The following FBXO34 variants were observed in gnomAD, a reference collection of about 807,000 sequenced individuals.
FBXO34 encodes F-box protein 34, also known as F-box only protein 34.
FBXO34 carries 12 observed loss-of-function variants against 24.5 expected under a neutral mutation model. The ratio of observed to expected loss-of-function variants is 0.49; its 90% CI spans 0.31 to 0.79. The LOEUF is 0.79. Ranked by LOEUF, FBXO34 falls within the 30% of genes least tolerant of loss-of-function variation. The probability of loss-of-function intolerance (pLI) is 0.04; values close to 1 mark genes in which losing one functional copy is unlikely to be tolerated. For synonymous variants in FBXO34, 320 were observed against 311.9 expected (o/e 1.03, Z -0.27); for missense variants, 823 against 857.7 (o/e 0.96, Z 0.51).
At chr14:55,388,159 C>T in the FBXO34 span, among the ~76,000 whole-genome samples, 292 of 152,280 alleles carry the variant, frequency 1.9e-3, no homozygotes, top group African/African-American at 6.7e-3. Flanking sequence ...AACAACATCT[C>T]TTTGCCATCC....
At chr14:55,430,398 TAAAAAAAAAAAAAA>T in the FBXO34 span, among the ~76,000 whole-genome samples, 2 of 119,828 alleles carry the variant, frequency 1.7e-5, no homozygotes, top group Non-Finnish European at 3.3e-5. Context: ...TCACCCACTT[TAAAAAAAAAAAAAA>T]AAAAAAAAAA....
the FBXO34 span, chr14:55,428,744 C>A: frequency 6.7e-7 from 1 of 1,489,790 alleles, no homozygotes; most frequent in Non-Finnish European, 9.1e-7. Flanking sequence ...TTTACGTAAG[C>A]AACCCATAAT....
intron 1 of FBXO34, among the ~76,000 whole-genome samples, chr14:55,299,649 T>C (rs980787374): frequency 2.6e-5 from 4 of 152,200 alleles, no homozygotes; most frequent in African/African-American, 9.7e-5. Flanking sequence ...AGTCTTAGTA[T>C]CCTCAGATTC....
chr14:55,300,997 G>T (rs1036842705), intron 1 of FBXO34, among the ~76,000 whole-genome samples: 1 of 152,206 alleles, frequency 6.6e-6, no homozygotes, highest in African/African-American at 2.4e-5. Flanking sequence ...CAGTCACTAA[G>T]GTGTGGTGTT....
At chr14:55,397,885 G>A in the FBXO34 span, among the ~76,000 whole-genome samples, 1 of 150,960 alleles carries the variant, frequency 6.6e-6, no homozygotes, top group Non-Finnish European at 1.5e-5. Context: ...AGTTATCATA[G>A]GCTAAAAAAT....
chr14:55,417,453 TAAAAAAAA>T, the FBXO34 span, among the ~76,000 whole-genome samples: 128 of 91,348 alleles, frequency 1.4e-3, no homozygotes, highest in Non-Finnish European at 2.4e-3. Context: ...ACCCTTGCCT[TAAAAAAAA>T]AAAAAAAAAA....
At chr14:55,322,242 G>A (rs1425205943) in intron 1 of FBXO34, among the ~76,000 whole-genome samples, 9 of 151,210 alleles carry the variant, frequency 6.0e-5, no homozygotes, top group African/African-American at 1.2e-4. Flanking sequence ...CCCGGGAGGC[G>A]GAGCTTGCAG....
chr14:55,351,344 A>T lies in FBXO34; in HGVS notation c.954A>T (p.Ala318=). 1 of 1,614,226 alleles carries T rather than the reference A, an allele frequency of 6.2e-7. No individual in the cohort carries two copies. Among genetic ancestry groups the T allele is most frequent in the South Asian group, 1.1e-5 (1 of 91,080 alleles). Residue 318 remains alanine, a synonymous_variant, in exon 2 of 2, where the codon GCA becomes GCT. Transcript: ENST00000313833. ...FRRNVGRVLL[A]NSTQADEGKT... is the part of the protein sequence containing the mutation. The stretch of plus-strand genomic sequence containing the variant: ...GAAATGTGGGCAGAGTATTGCTTGC[A>T]AATAGCACTCAGGCTGATGAAGGCA...
the FBXO34 span, among the ~76,000 whole-genome samples, chr14:55,427,118 G>C: frequency 4.6e-5 from 7 of 152,200 alleles, no homozygotes; most frequent in Non-Finnish European, 1.0e-4. Flanking sequence ...AGCACTGGGA[G>C]ACTCTTAGAA....
At chr14:55,389,454 G>A in the FBXO34 span, among the ~76,000 whole-genome samples, 4 of 152,282 alleles carry the variant, frequency 2.6e-5, no homozygotes, top group East Asian at 3.9e-4. Context: ...TAGTAATCCC[G>A]TGAAACTCCA....
intron 1 of FBXO34, among the ~76,000 whole-genome samples, chr14:55,280,817 C>T (rs932502208): frequency 9.9e-5 from 15 of 152,140 alleles, no homozygotes; most frequent in Admixed American, 3.3e-4. Context: ...TGAACCACCA[C>T]GCCCAGCCAT....
At chr14:55,385,069 C>T in the FBXO34 span, among the ~76,000 whole-genome samples, 1,282 of 152,266 alleles carry the variant, frequency 8.4e-3, 24 homozygotes, top group African/African-American at 0.03. Context: ...ATCTTAGCAG[C>T]GGTCACCAGG....
the FBXO34 span, chr14:55,428,923 C>T: frequency 1.2e-6 from 2 of 1,614,186 alleles, no homozygotes; most frequent in South Asian, 2.2e-5. Flanking sequence ...GGAACCCAAG[C>T]TTCTGCACCA....
chr14:55,352,628 A>C lies in FBXO34; in HGVS notation c.*102A>C. 1.1e-6 allele frequency: 1 copy of C among 941,064 alleles called. No homozygotes were observed. Among genetic ancestry groups the C allele is most frequent in the Non-Finnish European group, 1.6e-6 (1 of 637,364 alleles). The allele number at this position is 941,064 out of a possible 1,614,324, so 58.3% of individuals were successfully genotyped here. A position where few individuals can be genotyped will look rare whatever the true frequency, so the allele number is the denominator to read the frequency against. ...GCCCCCTGAGTCATCACTCTAGAAG[A>C]ATCTGTACATCATCAGGACTGCATT... On this transcript the variant is annotated 3_prime_UTR_variant, in exon 2 of 2. Coordinates refer to ENST00000313833, the MANE Select transcript of FBXO34 (RefSeq NM_017943.4).
At chr14:55,331,534 C>T (rs938678096) in intron 1 of FBXO34, among the ~76,000 whole-genome samples, 1 of 138,396 alleles carries the variant, frequency 7.2e-6, no homozygotes, top group African/African-American at 2.7e-5. Context: ...GTTTGGAAAA[C>T]TAAATTGAGG....
the FBXO34 span, among the ~76,000 whole-genome samples, chr14:55,401,787 G>T: frequency 1.3e-5 from 2 of 152,124 alleles, no homozygotes; most frequent in African/African-American, 4.8e-5. Flanking sequence ...AACCCAGCTC[G>T]GGCTTCAGAG....
Position 55,334,041 on chromosome 14 carries a change from A to G in FBXO34, c.-10-16340A>G, listed in dbSNP as rs370021057. Reference sequence around the variant, plus strand: ...TGTTTACACATGGCTGCTGAGTAGAATTTTCCTTAAAATCTGATTACATAG... The same window carrying G: ...TGTTTACACATGGCTGCTGAGTAGAGTTTTCCTTAAAATCTGATTACATAG... On this transcript the variant is annotated intron_variant, in intron 1 of 1. Coordinates refer to ENST00000313833, the MANE Select transcript of FBXO34 (RefSeq NM_017943.4). 2.6e-5 allele frequency among the ~76,000 whole-genome samples: 4 copies of G among 152,282 alleles called. No individual in the cohort carries two copies. The South Asian group carries it at 8.3e-4, about 32-fold the overall frequency.
chr14:55,327,028 AAAAAAGTG>A (rs1883363724), intron 1 of FBXO34, among the ~76,000 whole-genome samples: 1 of 152,086 alleles, frequency 6.6e-6, no homozygotes, highest in African/African-American at 2.4e-5. Flanking sequence ...AGAAAGGGGG[AAAAAAGTG>A]CTGCAGAGAA....
intron 3 of FBXO34, among the ~76,000 whole-genome samples, chr14:55,361,032 CTT>C (rs1057144950): frequency 6.6e-6 from 1 of 152,052 alleles, no homozygotes; most frequent in African/African-American, 2.4e-5. Flanking sequence ...TATTTTTCCT[CTT>C]TCCATGAATC....
Sources: gnomAD v4.1 joint callset for allele counts (sites outside exome capture counted in the v4.1 genomes callset) on GRCh38, gnomAD v4.1.1 for gene constraint, MANE v1.5 for transcripts, NCBI Gene and HGNC (gene_info 2026-07-23, HGNC 2026-07-21) for gene names.